RYR3: variants seen among roughly 807,000 people sequenced by gnomAD.
The protein encoded by RYR3 is brain ryanodine receptor-calcium release channel.
Under a neutral mutation model 584.3 loss-of-function variants are expected in RYR3, and 207 were observed. The observed-to-expected ratio is 0.35, with a 90% CI of 0.32 to 0.40. The LOEUF (loss-of-function observed/expected upper bound fraction) is 0.40. Ranked by LOEUF, RYR3 falls within the 10% of genes least tolerant of loss-of-function variation. The pLI is 1.00. For synonymous variants in RYR3, 2,416 were observed against 2,248.5 expected (o/e 1.07, Z -2.11); for missense variants, 5,616 against 6,089.2 (o/e 0.92, Z 2.59).
chr15:33,435,734 G>A (rs569438699), intron 1 of RYR3, among the ~76,000 whole-genome samples: 9 of 152,298 alleles, frequency 5.9e-5, no homozygotes, highest in Admixed American at 2.6e-4. Context: ...TGGTCTCACT[G>A]ACTTCAGAGA....
At chr15:33,373,450 A>G (rs765877630) in intron 1 of RYR3, among the ~76,000 whole-genome samples, 1 of 152,260 alleles carries the variant, frequency 6.6e-6, no homozygotes, top group Non-Finnish European at 1.5e-5. Context: ...TACAAGGTCT[A>G]AATGAAATTA....
intron 48 of RYR3, among the ~76,000 whole-genome samples, chr15:33,731,900 G>A (rs1050117634): frequency 4.6e-5 from 7 of 152,174 alleles, no homozygotes; most frequent in African/African-American, 1.7e-4. Context: ...CCCTTTGGGG[G>A]AAGGGAGAGG....
intron 3 of RYR3, among the ~76,000 whole-genome samples, chr15:33,520,521 G>A (rs957619172): frequency 1.3e-5 from 2 of 152,044 alleles, no homozygotes; most frequent in South Asian, 4.1e-4. Context: ...TGGCTGACAG[G>A]CTCCTTTTAT....
At chr15:33,443,295 A>G (rs1374007592) in intron 1 of RYR3, among the ~76,000 whole-genome samples, 1 of 151,960 alleles carries the variant, frequency 6.6e-6, no homozygotes, top group East Asian at 1.9e-4. Flanking sequence ...ACAAAAGTGC[A>G]GCATTTCTAG....
chr15:33,561,060 A>G (rs1449014596), intron 10 of RYR3, among the ~76,000 whole-genome samples: 1 of 152,268 alleles, frequency 6.6e-6, no homozygotes, highest in Non-Finnish European at 1.5e-5. Context: ...CTTGAAGGAA[A>G]ATAAGAGTTG....
At position 33,725,202 on chromosome 15, in the gene RYR3, C is replaced by CAT. The variant is rs1268378731; in HGVS notation, c.6912+1032_6912+1033dup. On this transcript the variant is annotated intron_variant, in intron 45 of 103. Transcript: ENST00000634891. ...ACACACACACACACACACACACACA[C>CAT]ATATATACATCCCTTCTTAGGACCC... Among the ~76,000 whole-genome samples, 260 of 111,060 alleles carry CAT rather than the reference C, an allele frequency of 2.3e-3. 2 individuals are homozygous for CAT. The highest frequency in any genetic ancestry group is 6.5e-3 in the African/African-American group (210 of 32,464). The allele number at this position is 111,060 out of a possible 152,430, so 72.9% of individuals were successfully genotyped here. A position where few individuals can be genotyped will look rare whatever the true frequency, so the allele number is the denominator to read the frequency against.
intron 38 of RYR3, among the ~76,000 whole-genome samples, chr15:33,685,952 G>A (rs975314687): frequency 1.3e-5 from 2 of 152,138 alleles, no homozygotes; most frequent in Non-Finnish European, 2.9e-5. Flanking sequence ...AGTGTGTAGA[G>A]GGAAATTTAT....
At chr15:33,388,698 C>A (rs915103287) in intron 1 of RYR3, among the ~76,000 whole-genome samples, 63 of 152,100 alleles carry the variant, frequency 4.1e-4, no homozygotes, top group African/African-American at 1.5e-3. Flanking sequence ...AGACACTGTT[C>A]ATTGATTTCA....
chr15:33,545,894 ACTGT>A (rs1175161629), intron 8 of RYR3, among the ~76,000 whole-genome samples: 1 of 152,184 alleles, frequency 6.6e-6, no homozygotes, highest in Non-Finnish European at 1.5e-5. Flanking sequence ...ATGTGGAAAG[ACTGT>A]CTGACCCAGA....
chr15:33,810,468 T>A lies in RYR3; in HGVS notation c.10027-11T>A. On this transcript the variant is annotated splice_polypyrimidine_tract_variant and intron_variant, in intron 70 of 103. Transcript: ENST00000634891. ...GAACCCCTCTCTGTTTATTTCAACA[T>A]CATCTCCTAGTCTGGAGGACAAGAC... The A allele has an allele frequency of 6.2e-7, 1 of 1,613,778 alleles. No homozygotes were observed. The highest frequency in any genetic ancestry group is 8.5e-7 in the Non-Finnish European group (1 of 1,179,738).
intron 43 of RYR3, 62 bp downstream of exon 43, chr15:33,707,116 A>C (rs1814125190): frequency 2.5e-6 from 4 of 1,577,412 alleles, no homozygotes; most frequent in Admixed American, 1.7e-5. Context: ...GATACCTACA[A>C]GGAAAAGGAT....
intron 3 of RYR3, among the ~76,000 whole-genome samples, chr15:33,523,387 C>T (rs1465129714): frequency 1.3e-5 from 2 of 152,166 alleles, no homozygotes; most frequent in African/African-American, 4.8e-5. Flanking sequence ...CTGCGAGGGT[C>T]TGAAGCTTCA....
At chr15:33,461,150 T>C (rs1176077679) in intron 1 of RYR3, among the ~76,000 whole-genome samples, 1 of 151,958 alleles carries the variant, frequency 6.6e-6, no homozygotes, top group Non-Finnish European at 1.5e-5. Flanking sequence ...TTCACCGTGT[T>C]AGCCAGGATG....
At chr15:33,805,469 C>CTTTTT (rs61113827) in intron 69 of RYR3, among the ~76,000 whole-genome samples, 3 of 138,294 alleles carry the variant, frequency 2.2e-5, no homozygotes, top group Non-Finnish European at 3.1e-5. Context: ...TTTTCTCTCT[C>CTTTTT]TTTTTTTTTT....
intron 1 of RYR3, among the ~76,000 whole-genome samples, chr15:33,341,481 A>G (rs751217673): frequency 6.6e-6 from 1 of 152,178 alleles, no homozygotes; most frequent in African/African-American, 2.4e-5. Flanking sequence ...TATTAAATTT[A>G]TTGGAAAGTA....
chr15:33,473,358 G>T, intron 1 of RYR3, 61 bp from the exon 2 acceptor site: 1 of 1,608,684 alleles, frequency 6.2e-7, no homozygotes, highest in Non-Finnish European at 8.5e-7. Context: ...ACAGGAAGGT[G>T]ACTCGGGGCC....
chr15:33,794,633 A>AAATGGC (rs1202876635), intron 67 of RYR3, among the ~76,000 whole-genome samples: 10 of 152,256 alleles, frequency 6.6e-5, no homozygotes, highest in African/African-American at 2.4e-4. Flanking sequence ...CAGTTGCTAA[A>AAATGGC]AATGGCAATG....
chr15:33,809,204 G>A (rs997524361), intron 70 of RYR3, among the ~76,000 whole-genome samples: 4 of 152,178 alleles, frequency 2.6e-5, no homozygotes, highest in Admixed American at 6.5e-5. Flanking sequence ...CAGATCTTGC[G>A]TGCCACTTCC....
At chr15:33,493,222 C>G (rs1349614673) in intron 2 of RYR3, among the ~76,000 whole-genome samples, 2 of 152,150 alleles carry the variant, frequency 1.3e-5, no homozygotes, top group African/African-American at 2.4e-5. Context: ...GCCTTCCTCC[C>G]CCTGCCGATG....
Sources: allele counts gnomAD v4.1 joint callset (sites outside exome capture counted in the v4.1 genomes callset), GRCh38; gene constraint gnomAD v4.1.1; transcripts MANE v1.5; gene names NCBI Gene and HGNC (gene_info 2026-07-23, HGNC 2026-07-21).